CCDC195: variants seen among roughly 807,000 people sequenced by gnomAD.
CCDC195 encodes coiled-coil domain-containing protein 195.
chr2:224,710,312 A>T, intron 1 of CCDC195, 93 bp from the exon 2 acceptor site: 1 of 397,558 alleles, frequency 2.5e-6, no homozygotes, highest in East Asian at 3.6e-5. Context: ...AACTAACTAG[A>T]CAGAACTATT....
At chr2:224,713,801 G>GT (rs1312798950) in intron 1 of CCDC195, among the ~76,000 whole-genome samples, 8 of 65,494 alleles carry the variant, frequency 1.2e-4, no homozygotes, top group African/African-American at 3.5e-4. Flanking sequence ...TTTTTCACCA[G>GT]TATTTTTTTT....
chr2:224,704,599 T>A (rs553331354), intron 2 of CCDC195, among the ~76,000 whole-genome samples: 74 of 101,282 alleles, frequency 7.3e-4, no homozygotes, highest in African/African-American at 3.0e-3. Flanking sequence ...CTTTTTTTTT[T>A]CTTTTCTTTT....
intron 2 of CCDC195, among the ~76,000 whole-genome samples, chr2:224,709,559 T>A (rs10194591): frequency 0.71 from 107,570 of 152,096 alleles, 39,052 homozygotes; most frequent in African/African-American, 0.89. Context: ...CTCTGAGAGG[T>A]GTTCTGCATT....
At chr2:224,709,342 G>A (rs1168722718) in intron 2 of CCDC195, among the ~76,000 whole-genome samples, 6 of 151,986 alleles carry the variant, frequency 3.9e-5, no homozygotes, top group African/African-American at 7.3e-5. Flanking sequence ...AGCCCGCCTC[G>A]GCATCCCAAA....
intron 1 of CCDC195, among the ~76,000 whole-genome samples, chr2:224,711,080 C>A (rs896785019): frequency 5.9e-5 from 9 of 152,214 alleles, no homozygotes; most frequent in Non-Finnish European, 1.2e-4. Flanking sequence ...AGTGTCTGAT[C>A]ACCTGAATGG....
At chr2:224,707,093 G>T (rs1265817249) in intron 2 of CCDC195, among the ~76,000 whole-genome samples, 1 of 151,978 alleles carries the variant, frequency 6.6e-6, no homozygotes, top group Admixed American at 6.6e-5. Flanking sequence ...TAGAAATCAT[G>T]TCCACTGTTA....
At chr2:224,711,378 T>A (rs973619007) in intron 1 of CCDC195, among the ~76,000 whole-genome samples, 11 of 150,786 alleles carry the variant, frequency 7.3e-5, no homozygotes, top group South Asian at 2.1e-4. Context: ...TTTTTTTTTT[T>A]AATAATGAAA....
exon 2 of CCDC195, chr2:224,709,999 A>C: frequency 2.5e-6 from 1 of 398,608 alleles, no homozygotes; most frequent in Non-Finnish European, 4.4e-6. Context: ...GCTCAGGAGA[A>C]GCTCTTTGGC....
At chr2:224,704,967 C>A (rs1406936422) in intron 2 of CCDC195, among the ~76,000 whole-genome samples, 1 of 152,116 alleles carries the variant, frequency 6.6e-6, no homozygotes, top group Non-Finnish European at 1.5e-5. Context: ...CCAGTGCTTC[C>A]AAGCACTGGA....
chr2:224,711,367 T>G (rs1324679719), intron 1 of CCDC195, among the ~76,000 whole-genome samples: 3 of 151,734 alleles, frequency 2.0e-5, no homozygotes, highest in Admixed American at 1.3e-4. Context: ...CCCTGTTTTT[T>G]TTTTTTTTTT....
chr2:224,707,986 C>CCCTCCCTCCCTCCCTG (rs1689242269), intron 2 of CCDC195, among the ~76,000 whole-genome samples: 1 of 60,314 alleles, frequency 1.7e-5, no homozygotes, highest in Non-Finnish European at 2.8e-5. Context: ...CTCCCTCCCT[C>CCCTCCCTCCCTCCCTG]CCTCCCTCCC....
chr2:224,709,245 T>G (rs1003723157), intron 2 of CCDC195, among the ~76,000 whole-genome samples: 1 of 151,956 alleles, frequency 6.6e-6, no homozygotes, highest in Non-Finnish European at 1.5e-5. Context: ...CAGGCCACCA[T>G]GCCTGGCTAA....
At chr2:224,714,464 G>C (rs1195669034) in intron 1 of CCDC195, among the ~76,000 whole-genome samples, 2 of 152,104 alleles carry the variant, frequency 1.3e-5, no homozygotes, top group African/African-American at 4.8e-5. Context: ...GTGCGATTTT[G>C]TTCCCAAGGC....
chr2:224,715,167 C>T (rs1384601423), intron 1 of CCDC195, among the ~76,000 whole-genome samples: 3 of 152,094 alleles, frequency 2.0e-5, no homozygotes, highest in Non-Finnish European at 2.9e-5. Flanking sequence ...GACCTCATCA[C>T]CCATCCACCT....
intron 2 of CCDC195, among the ~76,000 whole-genome samples, chr2:224,705,213 A>T (rs1372727820): frequency 1.3e-5 from 2 of 152,152 alleles, no homozygotes; most frequent in Non-Finnish European, 2.9e-5. Flanking sequence ...TTCTTTCTGG[A>T]TTTGGAAAAG....
At chr2:224,716,286 G>A (rs1299085590) in exon 1 of CCDC195, 1 of 398,564 alleles carries the variant, frequency 2.5e-6, no homozygotes, top group East Asian at 3.6e-5. Context: ...CATCCGGAGG[G>A]CTTGATTCTC....
At chr2:224,708,376 T>C (rs1169771905) in intron 2 of CCDC195, among the ~76,000 whole-genome samples, 1 of 152,202 alleles carries the variant, frequency 6.6e-6, no homozygotes, top group Non-Finnish European at 1.5e-5. Flanking sequence ...CCTTTAATGA[T>C]GAATCCTTCT....
chr2:224,708,003 C>CCCTCCCTTA (rs1689246547), intron 2 of CCDC195, among the ~76,000 whole-genome samples: 1 of 73,140 alleles, frequency 1.4e-5, no homozygotes, highest in Non-Finnish European at 2.3e-5. Context: ...TCCCTCCCTT[C>CCCTCCCTTA]CTTCCTTTCT....
chr2:224,710,253 A>T (rs945556692), intron 1 of CCDC195, 34 bp from the exon 2 acceptor site: 3 of 398,494 alleles, frequency 7.5e-6, no homozygotes. Context: ...ACTTAAAAAA[A>T]TTCTACCCTA....
Sources: allele counts gnomAD v4.1 joint callset (sites outside exome capture counted in the v4.1 genomes callset), GRCh38; gene constraint gnomAD v4.1.1; transcripts MANE v1.5; gene names NCBI Gene and HGNC (gene_info 2026-07-23, HGNC 2026-07-21).